ROR2: variants seen among roughly 807,000 people sequenced by gnomAD.
ROR2 encodes the protein ROR family WNT receptor 2.
A neutral mutation model predicts 74.9 loss-of-function variants in ROR2; 33 were observed. The ratio of observed to expected loss-of-function variants is 0.44; its 90% confidence interval spans 0.33 to 0.59. ROR2 has a LOEUF of 0.59. ROR2 is among the 20% of genes least tolerant of loss of function. The pLI is 0.02. For synonymous variants in ROR2, 586 were observed against 558.7 expected (o/e 1.05, Z -0.69); for missense variants, 1,216 against 1,313.8 (o/e 0.93, Z 1.15).
At chr9:91,842,355 A>C (rs1828808184) in intron 1 of ROR2, among the ~76,000 whole-genome samples, 1 of 152,214 alleles carries the variant, frequency 6.6e-6, no homozygotes. Flanking sequence ...GGTGCCATGC[A>C]TGTGTTATCT....
At chr9:91,765,160 A>C (rs1235553907) in intron 2 of ROR2, among the ~76,000 whole-genome samples, 1 of 152,204 alleles carries the variant, frequency 6.6e-6, no homozygotes, top group Admixed American at 6.5e-5. Context: ...TTTTCCTCAT[A>C]TGATAATTCC....
intron 1 of ROR2, among the ~76,000 whole-genome samples, chr9:91,858,465 G>GGTT (rs1554684244): frequency 6.6e-6 from 1 of 152,208 alleles, no homozygotes; most frequent in Non-Finnish European, 1.5e-5. Flanking sequence ...TTCTCAAAGT[G>GGTT]CCCAATGAGG....
intron 1 of ROR2, among the ~76,000 whole-genome samples, chr9:91,868,014 A>C (rs1260237293): frequency 5.3e-5 from 8 of 152,178 alleles, no homozygotes; most frequent in Non-Finnish European, 1.0e-4. Context: ...CATACAAAGA[A>C]CCAGGAAAAT....
At chr9:91,883,294 G>A (rs1165542808) in intron 1 of ROR2, 1 of 152,210 alleles carries the variant, frequency 6.6e-6, no homozygotes, top group African/African-American at 2.4e-5. Context: ...CACAGGAACT[G>A]GGGATGAAGT....
chr9:91,863,537 C>CA (rs577715514), intron 1 of ROR2, among the ~76,000 whole-genome samples: 92 of 151,896 alleles, frequency 6.1e-4, no homozygotes, highest in African/African-American at 1.6e-3. Flanking sequence ...AAAACAAAAA[C>CA]AAAAAACAAA....
intron 1 of ROR2, among the ~76,000 whole-genome samples, chr9:91,890,836 A>C (rs573756727): frequency 6.6e-6 from 1 of 152,262 alleles, no homozygotes; most frequent in Admixed American, 6.5e-5. Context: ...CCTTTTATGG[A>C]GTTAACTAGG....
intron 1 of ROR2, among the ~76,000 whole-genome samples, chr9:91,855,643 C>T (rs1321226305): frequency 2.0e-5 from 3 of 152,096 alleles, no homozygotes; most frequent in Non-Finnish European, 4.4e-5. Flanking sequence ...TTCTCCCCAG[C>T]GGGGAGCAGT....
At chr9:91,803,739 A>T (rs540395246) in intron 1 of ROR2, among the ~76,000 whole-genome samples, 13 of 152,050 alleles carry the variant, frequency 8.5e-5, no homozygotes, top group Non-Finnish European at 1.9e-4. Context: ...CCACAGCCCT[A>T]CGTGGGCGTA....
intron 1 of ROR2, among the ~76,000 whole-genome samples, chr9:91,891,019 A>G (rs1830406529): frequency 6.6e-6 from 1 of 152,204 alleles, no homozygotes; most frequent in African/African-American, 2.4e-5. Flanking sequence ...CTTATTTGCT[A>G]AATTCTATGC....
At position 91,845,995 on chromosome 9, in the gene ROR2, A is replaced by C. The variant is rs908127814; in HGVS notation, c.98-70177T>G. On this transcript the variant is annotated intron_variant, in intron 1 of 8. Coordinates refer to ENST00000375708, the MANE Select transcript of ROR2 (RefSeq NM_004560.4). ...CCCACTGAGAAGCAGCTGGCAGAAG[A>C]AGCAATCCCATGGTGGTTGCAGCCA... 3.3e-5 allele frequency among the ~76,000 whole-genome samples: 5 copies of C among 152,068 alleles called. No homozygotes were observed. The South Asian group carries it at 6.2e-4, about 19-fold the overall frequency.
chr9:91,725,513 C>T (rs566837642), intron 8 of ROR2, among the ~76,000 whole-genome samples: 63 of 152,250 alleles, frequency 4.1e-4, no homozygotes, highest in Middle Eastern at 3.4e-3. Flanking sequence ...CCATGTGTGC[C>T]GACACATCAC....
chr9:91,815,167 T>C (rs1262279360), intron 1 of ROR2, among the ~76,000 whole-genome samples: 1 of 152,266 alleles, frequency 6.6e-6, no homozygotes, highest in Non-Finnish European at 1.5e-5. Flanking sequence ...TTCATGGTTA[T>C]ATAGATTATG....
rs548919499 is a variant in ROR2, at chr9:91,803,911, C to T, written c.98-28093G>A. On this transcript the variant is annotated intron_variant, in intron 1 of 8. Transcript: ENST00000375708. ...CTCTGCTGAATGTGCAACTCCATGG[C>T]ATAAAACACCTTATTAGGGAGTTGA... Among the ~76,000 whole-genome samples, 316 of 152,362 alleles carry T rather than the reference C, an allele frequency of 2.1e-3. 1 individual carries two copies. Among genetic ancestry groups the T allele is most frequent in the Middle Eastern group, 0.02 (6 of 294 alleles).
At chr9:91,807,645 A>G (rs907943745) in intron 1 of ROR2, among the ~76,000 whole-genome samples, 2 of 152,120 alleles carry the variant, frequency 1.3e-5, no homozygotes, top group African/African-American at 4.8e-5. Flanking sequence ...ATCAGACGCT[A>G]CCTCCAGGTA....
chr9:91,755,974 G>C, intron 4 of ROR2, 97 bp downstream of exon 4: 1 of 1,359,528 alleles, frequency 7.4e-7, no homozygotes. Context: ...TAGCAAATTC[G>C]GCAAAGACAT....
chr9:91,903,178 A>G (rs377117546), intron 1 of ROR2, among the ~76,000 whole-genome samples: 2 of 152,238 alleles, frequency 1.3e-5, no homozygotes, highest in African/African-American at 4.8e-5. Context: ...GTTCTCCCCT[A>G]AAGTATGAGT....
chr9:91,831,833 G>T (rs12378938), intron 1 of ROR2, among the ~76,000 whole-genome samples: 71,276 of 151,904 alleles, frequency 0.47, 19,235 homozygotes, highest in African/African-American at 0.73. Context: ...AAAAAGCAAG[G>T]GAAGGACTGC....
intron 1 of ROR2, among the ~76,000 whole-genome samples, chr9:91,918,263 CA>C (rs533398274): frequency 0.013 from 1,310 of 104,202 alleles, 16 homozygotes; most frequent in African/African-American, 0.033. Context: ...AGACTCGTCT[CA>C]AAAAAAAAAA....
At chr9:91,914,195 C>T (rs1831065638) in intron 1 of ROR2, among the ~76,000 whole-genome samples, 2 of 152,242 alleles carry the variant, frequency 1.3e-5, no homozygotes, top group East Asian at 1.9e-4. Context: ...AGTACAAAGG[C>T]GCTTCCCTTC....
Sources: gnomAD v4.1 joint callset for allele counts (sites outside exome capture counted in the v4.1 genomes callset) on GRCh38, gnomAD v4.1.1 for gene constraint, MANE v1.5 for transcripts, NCBI Gene and HGNC (gene_info 2026-07-23, HGNC 2026-07-21) for gene names.